TMC4: variants seen among roughly 807,000 people sequenced by gnomAD.
TMC4 encodes the protein transmembrane channel like 4, also known as voltage-gated chloride channel TMC4.
A neutral mutation model predicts 82.0 loss-of-function variants in TMC4; 70 were observed. The ratio of observed to expected loss-of-function variants is 0.85; its 90% CI spans 0.70 to 1.04. The LOEUF (loss-of-function observed/expected upper bound fraction) is 1.04, where lower values mean the gene tolerates loss of function less well. Among genes scored for constraint, TMC4 ranks in the 50% least tolerant of loss-of-function variants. TMC4 has a pLI of 0.00. For synonymous variants in TMC4, 446 were observed against 406.0 expected, an observed-to-expected ratio of 1.10 and a Z score of -1.18; for missense variants, 879 against 899.0, an observed-to-expected ratio of 0.98 and a Z score of 0.28.
rs1163191288 is a variant in TMC4 at position 54,162,105 on chromosome 19, C to T, written c.1683G>A (p.Lys561=). The stretch of plus-strand genomic sequence containing the variant: ...AAGGGTCCCCCCTACCCCTTACCTT[C>T]TTCAGGTAGAAAAGCAGCAGGAACT... ...TVKFLLLFYL[K]KLTLFSTCSP... is the part of the protein sequence containing the mutation. The change falls in exon 11 of 15, where the codon AAG becomes AAA. Residue 561 remains lysine (K), a synonymous_variant. Coordinates refer to ENST00000619895, the MANE Select transcript of TMC4 (RefSeq NM_144686.4). The T allele has an allele frequency of 1.9e-6, 3 of 1,611,470 alleles. No individual in the cohort carries two copies. The highest frequency in any genetic ancestry group is 2.5e-6 in the Non-Finnish European group (3 of 1,178,796).
At chr19:54,172,976 C>T in intron 1 of TMC4, 63 bp downstream of exon 1, 1 of 1,468,054 alleles carries the variant, frequency 6.8e-7, no homozygotes, top group East Asian at 2.3e-5. Context: ...CTTTCCTCCT[C>T]CAGCAGGACT....
chr19:54,171,803 G>C (rs897601916), intron 2 of TMC4, 67 bp downstream of exon 2: 13 of 1,419,940 alleles, frequency 9.2e-6, no homozygotes, highest in South Asian at 1.4e-5. Context: ...GGAGGAGACC[G>C]AGTCCAGGGT....
rs1475732910 is a variant in TMC4 at position 54,172,008 on chromosome 19, G to A, written c.155C>T (p.Pro52Leu). The change falls in exon 2 of 15, where the codon CCT becomes CTT. Residue 52 changes from proline (P) to leucine (L), a missense_variant. By Grantham distance (98) the Pro-to-Leu change is moderately conservative. Coordinates refer to ENST00000619895, the MANE Select transcript of TMC4 (RefSeq NM_144686.4). ...CTCCTCCTCCTCCAGCGCCCCCCAA[G>A]GCAGCACCCCAGGGTCTCGGTACCG... ...TLRYRDPGVL[P>L]WGALEEEEED... 2 of 1,613,160 alleles carry A rather than the reference G, an allele frequency of 1.2e-6. No homozygotes were observed. The highest frequency in any genetic ancestry group is 1.7e-5 in the Admixed American group (1 of 59,910).
chr19:54,161,299 CAAGAGTCTGTGCCTCCATTTTT>C (rs1190013782), intron 11 of TMC4, 39 bp from the exon 12 acceptor site: 1 of 1,362,370 alleles, frequency 7.3e-7, no homozygotes. Flanking sequence ...CTCTGAAACA[CAAGAGTCTGTGCCTCCATTTTT>C]TTTTTTTTTT....
At chr19:54,164,768 G>T (rs1568731742) in intron 6 of TMC4, 167 bp from the exon 7 acceptor site, 1 of 906,558 alleles carries the variant, frequency 1.1e-6, no homozygotes, top group East Asian at 2.7e-5. Context: ...CAGGAAACCA[G>T]CGGCCCTTTA....
In TMC4 at chr19:54,165,644, G is replaced by A. The variant is rs572664997; in HGVS notation, c.798-78C>T. 3 of 1,487,090 alleles carry A rather than the reference G, an allele frequency of 2.0e-6. No homozygotes were observed. The East Asian group carries it at 6.9e-5, about 34-fold the overall frequency. 92.1% of individuals were successfully genotyped at this position (1,487,090 alleles called of 1,614,324 possible). A position where few individuals can be genotyped will look rare whatever the true frequency, so the allele number is the denominator to read the frequency against. On this transcript the variant is annotated intron_variant, in intron 5 of 14. Transcript: ENST00000619895. ...GTTATGGGGAGACCCCTCATATTGGGACAAATGGGGAAGATGAACCCTAAG... is the reference window on the plus strand; with the variant it reads ...GTTATGGGGAGACCCCTCATATTGGAACAAATGGGGAAGATGAACCCTAAG...
At chr19:54,162,060 A>T in intron 11 of TMC4, 42 bp downstream of exon 11, 1 of 1,549,106 alleles carries the variant, frequency 6.5e-7, no homozygotes, top group Non-Finnish European at 8.7e-7. Context: ...GCGGGCCCCA[A>T]TACCTCCTGC....
In TMC4 at chr19:54,162,639, G is replaced by C. The variant is rs371913200; in HGVS notation, c.1502+34C>G. The C allele has an allele frequency of 7.2e-6, 11 of 1,536,768 alleles. No homozygotes were observed. In the African/African-American group the frequency reaches 1.1e-4, roughly 15 times the overall value. On this transcript the variant is annotated intron_variant, in intron 10 of 14. Coordinates refer to ENST00000619895, the MANE Select transcript of TMC4 (RefSeq NM_144686.4). ...CGATGGGGCACGGCCTCGTCCTAGA[G>C]GGGCGGGGCCACAGCAAGGGGCGGG...
chr19:54,165,368 C>T, intron 6 of TMC4, 51 bp downstream of exon 6: 1 of 1,533,632 alleles, frequency 6.5e-7, no homozygotes, highest in Non-Finnish European at 8.8e-7. Flanking sequence ...TTATCTCAGC[C>T]CGGTCCTGTC....
In TMC4 at chr19:54,164,446, G is replaced by A; in HGVS notation, c.1101C>T (p.Thr367=). Residue 367 remains threonine (T), a synonymous_variant, in exon 7 of 15, where the codon ACC becomes ACT. Coordinates refer to ENST00000619895, the MANE Select transcript of TMC4 (RefSeq NM_144686.4). ...FYGVYWATGC[T]VELQEMPLVQ... ...AGACCGTCCGCACCTGCAGCTCCACGGTGCACCCCGTAGCCCAGTAGACGC... is the reference window on the plus strand; with the variant it reads ...AGACCGTCCGCACCTGCAGCTCCACAGTGCACCCCGTAGCCCAGTAGACGC... 2 of 1,611,526 alleles carry A rather than the reference G, an allele frequency of 1.2e-6. No individual in the cohort carries two copies. Among genetic ancestry groups the A allele is most frequent in the South Asian group, 2.2e-5 (2 of 90,946 alleles).
At chr19:54,167,648 G>A (rs551511215) in intron 5 of TMC4, among the ~76,000 whole-genome samples, 365 of 143,976 alleles carry the variant, frequency 2.5e-3, no homozygotes, top group Admixed American at 6.1e-3. Flanking sequence ...TCTCTCTGTC[G>A]CCCAGGCTGG....
Position 54,169,581 on chromosome 19 carries a change from ACCTC to A in TMC4, c.369_372del (p.Arg124ProfsTer19). ...AAGCCTTCCTTTGTTTTCTCCTTGGACCTCCGAAGTAGCCGCGCCCATCGGTCCG... is the reference window on the plus strand; with the variant it reads ...AAGCCTTCCTTTGTTTTCTCCTTGGACGAAGTAGCCGCGCCCATCGGTCCG... On this transcript the variant is annotated frameshift_variant, in exon 3 of 15. Transcript: ENST00000619895. LOFTEE classifies it high-confidence loss of function. The A allele has an allele frequency of 6.2e-7, 1 of 1,613,562 alleles. No individual in the cohort carries two copies. Among genetic ancestry groups the A allele is most frequent in the South Asian group, 1.1e-5 (1 of 91,062 alleles).
intron 2 of TMC4, among the ~76,000 whole-genome samples, chr19:54,170,971 G>A (rs1248760153): frequency 1.3e-5 from 2 of 151,924 alleles, no homozygotes; most frequent in Admixed American, 6.6e-5. Flanking sequence ...CCGCAGTATA[G>A]TGGCTATATT....
intron 13 of TMC4, 108 bp downstream of exon 13, chr19:54,160,770 C>A (rs2075524345): frequency 1.4e-6 from 2 of 1,462,564 alleles, no homozygotes; most frequent in Non-Finnish European, 1.8e-6. Context: ...CCCTCAGACT[C>A]AGTACGTTGC....
At chr19:54,169,410 G>A (rs1309849323) in intron 3 of TMC4, 102 bp downstream of exon 3, 17 of 1,423,814 alleles carry the variant, frequency 1.2e-5, no homozygotes, top group Non-Finnish European at 1.4e-5. Flanking sequence ...CCAGGCCCAA[G>A]CCCCTCCTCC....
chr19:54,163,960 C>CTAT, intron 7 of TMC4, 73 bp from the exon 8 acceptor site: 2 of 1,404,308 alleles, frequency 1.4e-6, no homozygotes, highest in Non-Finnish European at 1.9e-6. Context: ...TCCCCCCGGC[C>CTAT]TCTTCTTCTT....
chr19:54,168,421 G>A, intron 4 of TMC4, 27 bp downstream of exon 4: 1 of 1,525,776 alleles, frequency 6.6e-7, no homozygotes, highest in Non-Finnish European at 8.8e-7. Context: ...GGTGGGCGGG[G>A]AATCCCCCAG....
intron 2 of TMC4, among the ~76,000 whole-genome samples, chr19:54,170,632 A>T (rs202136860): frequency 2.0e-5 from 3 of 149,702 alleles, no homozygotes; most frequent in South Asian, 2.1e-4. Context: ...TTTTATTTTA[A>T]TTTTTATCTG....
intron 3 of TMC4, 47 bp from the exon 4 acceptor site, chr19:54,168,727 G>A (rs746063312): frequency 1.5e-6 from 2 of 1,335,032 alleles, no homozygotes; most frequent in African/African-American, 1.5e-5. Flanking sequence ...CCGGGAGCAG[G>A]ACCAGCCCCT....
Sources: allele counts gnomAD v4.1 joint callset (sites outside exome capture counted in the v4.1 genomes callset), GRCh38; gene constraint gnomAD v4.1.1; transcripts MANE v1.5; gene names NCBI Gene and HGNC (gene_info 2026-07-23, HGNC 2026-07-21).